CELSR1: variants seen among roughly 807,000 people sequenced by gnomAD.
CELSR1 encodes the protein adhesion G protein-coupled receptor C1.
In CELSR1, 110 loss-of-function variants were observed where a neutral mutation model predicts 249.1. The observed-to-expected ratio is 0.44, with a 90% CI of 0.38 to 0.52. CELSR1 has a LOEUF of 0.52. CELSR1 is among the 20% of genes least tolerant of loss of function. The pLI is 0.00. For missense variants in CELSR1, 4,109 were observed against 4,296.4 expected, an observed-to-expected ratio of 0.96 and a Z score of 1.22; for synonymous variants, 2,113 against 1,900.0, an observed-to-expected ratio of 1.11 and a Z score of -2.92.
rs1017463683 is a variant in CELSR1, at chr22:46,363,316, G to C, written c.9036-69C>G. 7.3e-7 allele frequency: 1 copy of C among 1,365,290 alleles called. No individual in the cohort carries two copies. Among genetic ancestry groups the C allele is most frequent in the African/African-American group, 1.4e-5 (1 of 70,278 alleles). The allele number at this position is 1,365,290 out of a possible 1,614,324, so 84.6% of individuals were successfully genotyped here. ...GGGTAGCGGCTTGGTGGGGCCCAAG[G>C]TTGTCACACGGGGGGGCAGGATCAC... On this transcript the variant is annotated intron_variant, in intron 34 of 34. Coordinates refer to ENST00000674500, the MANE Select transcript of CELSR1 (RefSeq NM_001378328.1). This position sits in a 1 kb window ranked among gnomAD's most constrained non-coding sequence, Gnocchi z 4.3.
Position 46,401,480 on chromosome 22 carries a change from C to A in CELSR1, c.5227-1578G>T, listed in dbSNP as rs1296194028. Among the ~76,000 whole-genome samples the A allele has an allele frequency of 3.9e-5, 6 of 152,156 alleles. No individual in the cohort carries two copies. Among genetic ancestry groups the A allele is most frequent in the Non-Finnish European group, 7.3e-5 (5 of 68,034 alleles). On this transcript the variant is annotated intron_variant, in intron 9 of 34. Transcript: ENST00000674500. The surrounding 1 kb of genome is among the most constrained non-coding windows in gnomAD (Gnocchi z 4.7). ...TGCAAAACAGCGTGGCGTGTGCTTC[C>A]CTGCAAGGCCGTCAGCTGGTTCTGG...
At chr22:46,457,516 C>T (rs892194209) in intron 2 of CELSR1, among the ~76,000 whole-genome samples, 1 of 152,216 alleles carries the variant, frequency 6.6e-6, no homozygotes, top group Non-Finnish European at 1.5e-5. Flanking sequence ...TGCCGTCCCC[C>T]TCCAAGATGT....
intron 19 of CELSR1, among the ~76,000 whole-genome samples, chr22:46,385,672 ATAT>A (rs1370398821): frequency 4.3e-5 from 6 of 138,588 alleles, no homozygotes; most frequent in African/African-American, 1.9e-4. Context: ...TACCTGCCGA[ATAT>A]TTTTTTTTTT....
At position 46,363,420 on chromosome 22, in the gene CELSR1, G is replaced by C. The variant is rs112497175; in HGVS notation, c.9036-173C>G. On this transcript the variant is annotated intron_variant, in intron 34 of 34. Transcript: ENST00000674500. This position sits in a 1 kb window ranked among gnomAD's most constrained non-coding sequence, Gnocchi z 4.3. ...GGATGAGGCTGCCCTTGGGAGGCAG[G>C]AGAGGGGACCAGGACCAGCCTGTGG... 9 of 590,566 alleles carry C rather than the reference G, an allele frequency of 1.5e-5. No homozygotes were observed. Among genetic ancestry groups the C allele is most frequent in the Admixed American group, 5.8e-5 (2 of 34,598 alleles). The allele number at this position is 590,566 out of a possible 1,614,324, so 36.6% of individuals were successfully genotyped here.
chr22:46,487,789 A>G (rs1328310348), intron 1 of CELSR1, among the ~76,000 whole-genome samples: 1 of 129,734 alleles, frequency 7.7e-6, no homozygotes, highest in South Asian at 2.9e-4. Context: ...AGTCCAGGAT[A>G]CTGACGGAAG....
In CELSR1 at chr22:46,398,600, G is replaced by T. The variant is rs145851305; in HGVS notation, c.5450C>A (p.Thr1817Lys). ...ADIGGMLPGLTVRSVVVGGAS... is the reference protein window; with the variant it reads ...ADIGGMLPGLKVRSVVVGGAS... ...GCCTCCGACCACCACGCTCCTTACC[G>T]TCAGCCCGGGAAGCATGCCCCCGAT... The change falls in exon 11 of 35, where the codon ACG (threonine) becomes AAG (lysine). Residue 1817 changes from threonine (T) to lysine (K), a missense_variant. Around this residue, in one of 7 missense-constraint regions of CELSR1, gnomAD observed 1,805 missense variants for 1,831.6 expected, o/e 0.99. Coordinates refer to ENST00000674500, the MANE Select transcript of CELSR1 (RefSeq NM_001378328.1). This position sits in a 1 kb window ranked among gnomAD's most constrained non-coding sequence, Gnocchi z 7.2. 3 of 1,613,800 alleles carry T rather than the reference G, an allele frequency of 1.9e-6. No individual in the cohort carries two copies. The highest frequency in any genetic ancestry group is 2.5e-6 in the Non-Finnish European group (3 of 1,179,916).
intron 1 of CELSR1, among the ~76,000 whole-genome samples, chr22:46,511,337 C>T (rs1160366478): frequency 6.6e-6 from 1 of 152,196 alleles, no homozygotes; most frequent in African/African-American, 2.4e-5. Context: ...TTCCAGTCTA[C>T]ACAGCTGGCT....
In CELSR1 at chr22:46,535,404, C is replaced by T. The variant is rs757976116; in HGVS notation, c.1767G>A (p.Ala589=). Residue 589 remains alanine (A), a synonymous_variant, in exon 1 of 35, where the codon GCG becomes GCA. Transcript: ENST00000674500. ...CGTTCTCTCCAGAGTCCGCGTCCAC[C>T]GCCTGAATGTGCACCACGGGGTAGC... ...PLGYPVVHIQ[A]VDADSGENAR... is the part of the protein sequence containing the mutation. 1 of 1,609,190 alleles carries T rather than the reference C, an allele frequency of 6.2e-7. No individual in the cohort carries two copies. Among genetic ancestry groups the T allele is most frequent in the Admixed American group, 1.7e-5 (1 of 59,846 alleles).
At position 46,433,984 on chromosome 22, in the gene CELSR1, T is replaced by TG. The variant is rs945595869; in HGVS notation, c.4523-504dup. Among the ~76,000 whole-genome samples, 10 of 152,298 alleles carry TG rather than the reference T, an allele frequency of 6.6e-5. No homozygotes were observed. In the East Asian group the frequency reaches 1.5e-3, roughly 24 times the overall value. ...GGGCGTGAGCCACCGCGCCTGGCCT[T>TG]GTTCCTTTTCTAAATATGAAAAAAT... On this transcript the variant is annotated intron_variant, in intron 4 of 34. Transcript: ENST00000674500. This position sits in a 1 kb window ranked among gnomAD's most constrained non-coding sequence, Gnocchi z 5.7.
chr22:46,498,945 C>T (rs1231553021), intron 1 of CELSR1, among the ~76,000 whole-genome samples: 1 of 151,872 alleles, frequency 6.6e-6, no homozygotes. Context: ...TCTGGGAGGC[C>T]GAGGCAGGTG....
intron 5 of CELSR1, among the ~76,000 whole-genome samples, chr22:46,426,343 G>T (rs532033916): frequency 1.3e-5 from 2 of 152,290 alleles, no homozygotes; most frequent in Admixed American, 6.5e-5. Flanking sequence ...GAGGCTGAGC[G>T]CCTTGTAAAC....
rs1358727119 is a variant in CELSR1 at position 46,468,830 on chromosome 22, C to G, written c.3545-4485G>C. Among the ~76,000 whole-genome samples, 1 of 152,154 alleles carries G rather than the reference C, an allele frequency of 6.6e-6. No individual in the cohort carries two copies. The highest frequency in any genetic ancestry group is 1.5e-5 in the Non-Finnish European group (1 of 68,032). ...GTGGCTCACGTCTGAAATCCCAGCA[C>G]TTTGGGAGGCCGAGGCGGCAGATCA... On this transcript the variant is annotated intron_variant, in intron 1 of 34. Transcript: ENST00000674500. This position sits in a 1 kb window ranked among gnomAD's most constrained non-coding sequence, Gnocchi z 4.5.
intron 1 of CELSR1, among the ~76,000 whole-genome samples, chr22:46,501,698 TG>T (rs1303534998): frequency 6.6e-6 from 1 of 152,226 alleles, no homozygotes; most frequent in African/African-American, 2.4e-5. Context: ...AAATGTTATT[TG>T]TTTTTAAATG....
At position 46,500,347 on chromosome 22, in the gene CELSR1, C is replaced by T. The variant is rs149479133; in HGVS notation, c.3544+33280G>A. Among the ~76,000 whole-genome samples the T allele has an allele frequency of 3.3e-5, 5 of 152,294 alleles. No individual in the cohort carries two copies. In the East Asian group the frequency reaches 9.7e-4, roughly 29 times the overall value. On this transcript the variant is annotated intron_variant, in intron 1 of 34. Coordinates refer to ENST00000674500, the MANE Select transcript of CELSR1 (RefSeq NM_001378328.1). The surrounding 1 kb of genome is among the most constrained non-coding windows in gnomAD (Gnocchi z 4.9). ...CTGGAGATGACCTTTTATATGGAGC[C>T]GCTGACAGCCCCCTCCCCCATGGCG...
intron 9 of CELSR1, among the ~76,000 whole-genome samples, chr22:46,403,983 A>AAAAAAAAAAAAAAAAG (rs2079237029): frequency 2.0e-5 from 3 of 150,030 alleles, no homozygotes; most frequent in African/African-American, 7.4e-5. Context: ...AAAAAAAAAA[A>AAAAAAAAAAAAAAAAG]AAAAAAAGAA....
At chr22:46,489,893 C>CA (rs34918973) in intron 1 of CELSR1, among the ~76,000 whole-genome samples, 79,329 of 143,942 alleles carry the variant, frequency 0.55, 22,220 homozygotes, top group African/African-American at 0.7. Context: ...GACTCCTTCT[C>CA]AAAAAAAAAA....
Position 46,377,042 on chromosome 22 carries a change from G to T in CELSR1, c.7584+19C>A. 6.2e-7 allele frequency: 1 copy of T among 1,610,886 alleles called. No individual in the cohort carries two copies. Among genetic ancestry groups the T allele is most frequent in the South Asian group, 1.1e-5 (1 of 90,914 alleles). ...AAGCTGCGGCCCAGACAGTGGGGAG[G>T]GGAGCAGAGTGGCCATACCGGGTTT... On this transcript the variant is annotated intron_variant, in intron 24 of 34. Coordinates refer to ENST00000674500, the MANE Select transcript of CELSR1 (RefSeq NM_001378328.1).
intron 1 of CELSR1, among the ~76,000 whole-genome samples, chr22:46,505,179 G>A (rs1003774195): frequency 1.4e-5 from 2 of 138,192 alleles, no homozygotes; most frequent in African/African-American, 2.7e-5. Context: ...GGAGAATGGC[G>A]TGAACCCGGG....
Position 46,533,911 on chromosome 22 carries a change from A to G in CELSR1, c.3260T>C (p.Val1087Ala), listed in dbSNP as rs767557186. 12 of 1,613,080 alleles carry G rather than the reference A, an allele frequency of 7.4e-6. No individual in the cohort carries two copies. Among genetic ancestry groups the G allele is most frequent in the Non-Finnish European group, 1.0e-5 (12 of 1,180,018 alleles). Residue 1087 changes from valine (V) to alanine (A), a missense_variant, in exon 1 of 35, where the codon GTG (valine) becomes GCG (alanine). By Grantham distance (64) the Val-to-Ala change is moderately conservative (BLOSUM62 0). Coordinates refer to ENST00000674500, the MANE Select transcript of CELSR1 (RefSeq NM_001378328.1). Reference protein sequence around the residue: ...TSAPLVSRATVHILLVDQNDN... With the variant: ...TSAPLVSRATAHILLVDQNDN... ...ATTCTGGTCCACGAGAAGGATGTGC[A>G]CCGTGGCTCGGCTCACCAGCGGAGC...
Sources: allele counts gnomAD v4.1 joint callset (sites outside exome capture counted in the v4.1 genomes callset), GRCh38; gene constraint gnomAD v4.1.1; regional missense constraint gnomAD v4.1.1; non-coding constraint Gnocchi (gnomAD v3.1); transcripts MANE v1.5; gene names NCBI Gene and HGNC (gene_info 2026-07-23, HGNC 2026-07-21).